Variants in APBB2 observed in about 807,000 individuals in gnomAD.
APBB2 encodes amyloid beta precursor protein binding family B member 2.
Under a neutral mutation model 82.5 loss-of-function variants are expected in APBB2, and 38 were observed. That is an observed-to-expected ratio of 0.46 (90% CI 0.36 to 0.60). The LOEUF is 0.60. Among genes scored for constraint, APBB2 ranks in the 20% least tolerant of loss-of-function variants. The pLI, the probability that APBB2 is intolerant of heterozygous loss-of-function variation, is 0.00. For missense variants in APBB2, 772 were observed against 972.3 expected (o/e 0.79, Z 2.74); for synonymous variants, 341 against 368.2 (o/e 0.93, Z 0.85).
At chr4:41,057,479 T>C (rs1000207436) in intron 4 of APBB2, among the ~76,000 whole-genome samples, 1 of 152,170 alleles carries the variant, frequency 6.6e-6, no homozygotes, top group East Asian at 1.9e-4. Context: ...CAATGTTCAA[T>C]AGTATATGTT....
In APBB2 at chr4:41,145,591, T is replaced by C. The variant is rs375641697; in HGVS notation, c.-416-2449A>G. Among the ~76,000 whole-genome samples the C allele has an allele frequency of 8.5e-4, 130 of 152,284 alleles. 1 individual carries two copies. Among genetic ancestry groups the C allele is most frequent in the Middle Eastern group, 6.8e-3 (2 of 294 alleles). The stretch of plus-strand genomic sequence containing the variant: ...AAAAGACACAGCTCTGCCTAGAACA[T>C]GTTCAACTGAAGAAACAATGAGTGC... On this transcript the variant is annotated intron_variant, in intron 1 of 17. Coordinates refer to ENST00000508593, the MANE Select transcript of APBB2 (RefSeq NM_004307.2).
At chr4:40,914,305 G>A (rs758234657) in intron 10 of APBB2, among the ~76,000 whole-genome samples, 11 of 151,206 alleles carry the variant, frequency 7.3e-5, no homozygotes, top group Non-Finnish European at 1.0e-4. Flanking sequence ...CCCGGGAGGC[G>A]GAGTTTGCAG....
intron 12 of APBB2, among the ~76,000 whole-genome samples, chr4:40,854,841 G>GGGCTGTCCA (rs1456600455): frequency 2.0e-5 from 3 of 151,662 alleles, no homozygotes. Context: ...TTTCCTAGGG[G>GGGCTGTCCA]GGCTGTCCAA....
chr4:41,165,703 C>A (rs1766342780), intron 1 of APBB2, among the ~76,000 whole-genome samples: 1 of 152,126 alleles, frequency 6.6e-6, no homozygotes, highest in Non-Finnish European at 1.5e-5. Flanking sequence ...ATGAAACTCT[C>A]TACACCTGGG....
chr4:41,054,173 C>A (rs376969859), intron 4 of APBB2, among the ~76,000 whole-genome samples: 25 of 152,262 alleles, frequency 1.6e-4, no homozygotes, highest in African/African-American at 6.0e-4. Flanking sequence ...TGCTGTACAT[C>A]CAGGCATCTT....
chr4:41,177,505 G>A (rs1770147946), intron 1 of APBB2: 1 of 152,148 alleles, frequency 6.6e-6, no homozygotes, highest in Non-Finnish European at 1.5e-5. Context: ...TAAAAATCAA[G>A]AGGAATGAAA....
At chr4:40,848,816 G>C in intron 12 of APBB2, 1 of 977,908 alleles carries the variant, frequency 1.0e-6, no homozygotes, top group Non-Finnish European at 1.2e-6. Context: ...TGCTTGGTCT[G>C]CTTTTCCCCC....
chr4:41,071,059 T>C (rs1733703881), intron 3 of APBB2, among the ~76,000 whole-genome samples: 1 of 152,226 alleles, frequency 6.6e-6, no homozygotes, highest in Admixed American at 6.5e-5. Context: ...GTTCTTACTA[T>C]GCTGATGTGG....
intron 3 of APBB2, among the ~76,000 whole-genome samples, chr4:41,070,758 T>C (rs1392229911): frequency 6.6e-6 from 1 of 152,182 alleles, no homozygotes; most frequent in Non-Finnish European, 1.5e-5. Context: ...CCTGAAAACA[T>C]CAAATCTGAT....
chr4:40,949,299 G>T (rs1789401599), intron 6 of APBB2, among the ~76,000 whole-genome samples: 2 of 152,122 alleles, frequency 1.3e-5, no homozygotes, highest in Admixed American at 6.5e-5. Flanking sequence ...GAAGATAGTG[G>T]TGCAGGTAGG....
In APBB2 at chr4:40,934,324, A is replaced by G. The variant is rs1271792724; in HGVS notation, c.1254+132T>C. The G allele has an allele frequency of 8.1e-6, 7 of 865,760 alleles. No individual in the cohort carries two copies. The East Asian group carries it at 1.7e-4, about 21-fold the overall frequency. The allele number at this position is 865,760 out of a possible 1,614,324, so 53.6% of individuals were successfully genotyped here. ...TCTTCAAGTGTCAGGGAGATTAGGAAAGAGAAAATTGAGGGATAATTACTT... is the reference window on the plus strand; with the variant it reads ...TCTTCAAGTGTCAGGGAGATTAGGAGAGAGAAAATTGAGGGATAATTACTT... On this transcript the variant is annotated intron_variant, in intron 10 of 17. Coordinates refer to ENST00000508593, the MANE Select transcript of APBB2 (RefSeq NM_004307.2).
At chr4:41,107,945 T>C (rs1270190545) in intron 2 of APBB2, among the ~76,000 whole-genome samples, 8 of 152,182 alleles carry the variant, frequency 5.3e-5, no homozygotes, top group Admixed American at 5.2e-4. Flanking sequence ...AAAGACAGTA[T>C]TAGGGTAACA....
chr4:41,027,405 A>ATATATATATATATATATATATATAT (rs1714881237), intron 5 of APBB2, among the ~76,000 whole-genome samples: 1 of 131,396 alleles, frequency 7.6e-6, no homozygotes, highest in Admixed American at 7.8e-5. Context: ...ATATATATAT[A>ATATATATATATATATATATATATAT]ACATTTTCAA....
intron 12 of APBB2, among the ~76,000 whole-genome samples, chr4:40,838,329 A>ATTTTTTTTTTTTTTTTTTTTTTTTTTTTT (rs780767835): frequency 1.4e-5 from 1 of 72,274 alleles, no homozygotes. Flanking sequence ...CACATGGCTA[A>ATTTTTTTTTTTTTTTTTTTTTTTTTTTTT]TTTTTTTTTT....
At chr4:40,838,333 T>A (rs1464278196) in intron 12 of APBB2, among the ~76,000 whole-genome samples, 1 of 136,992 alleles carries the variant, frequency 7.3e-6, no homozygotes, top group Non-Finnish European at 1.6e-5. Context: ...TGGCTAATTT[T>A]TTTTTTTTTT....
chr4:40,815,768 C>T lies in APBB2; in HGVS notation c.*324G>A, dbSNP rs571263396. On this transcript the variant is annotated 3_prime_UTR_variant, in exon 18 of 18. Coordinates refer to ENST00000508593, the MANE Select transcript of APBB2 (RefSeq NM_004307.2). ...CGCATCATTCATTCCAAGGACGCAG[C>T]GTTAGTTCACTAGGAGGGGTGGGGC... The T allele has an allele frequency of 4.6e-5, 12 of 262,918 alleles. No homozygotes were observed. Among genetic ancestry groups the T allele is most frequent in the Admixed American group, 3.3e-4 (7 of 21,148 alleles). The allele number at this position is 262,918 out of a possible 1,614,324, so 16.3% of individuals were successfully genotyped here.
intron 1 of APBB2, among the ~76,000 whole-genome samples, chr4:41,169,547 T>C (rs1767672634): frequency 6.6e-6 from 1 of 152,170 alleles, no homozygotes; most frequent in South Asian, 2.1e-4. Context: ...ACACAGTGGG[T>C]AGTGATTTCA....
chr4:41,031,314 GA>G (rs1716706513), intron 5 of APBB2, among the ~76,000 whole-genome samples: 1 of 152,136 alleles, frequency 6.6e-6, no homozygotes, highest in South Asian at 2.1e-4. Flanking sequence ...CCTAGAGTTA[GA>G]AAAAGGAGCT....
intron 3 of APBB2, among the ~76,000 whole-genome samples, chr4:41,091,786 T>A (rs1741805373): frequency 6.6e-6 from 1 of 152,224 alleles, no homozygotes; most frequent in African/African-American, 2.4e-5. Context: ...ATTGATTATG[T>A]CCTCTTAAAA....
Sources: gnomAD v4.1 joint callset for allele counts (sites outside exome capture counted in the v4.1 genomes callset) on GRCh38, gnomAD v4.1.1 for gene constraint, MANE v1.5 for transcripts, NCBI Gene and HGNC (gene_info 2026-07-23, HGNC 2026-07-21) for gene names.